Variants in SEMA3A observed in about 807,000 individuals in gnomAD.
SEMA3A encodes the protein semaphorin-3A.
SEMA3A carries 29 observed loss-of-function variants against 97.9 expected under a neutral mutation model. The ratio of observed to expected loss-of-function variants is 0.30; its 90% CI spans 0.22 to 0.40. The LOEUF (loss-of-function observed/expected upper bound fraction) is 0.40. Among genes scored for constraint, SEMA3A ranks in the 10% least tolerant of loss-of-function variants. The pLI is 1.00. For synonymous variants in SEMA3A, 321 were observed against 323.7 expected (o/e 0.99, Z 0.09); for missense variants, 763 against 951.3 (o/e 0.80, Z 2.60).
At chr7:84,358,011 A>T (rs1360514716) in intron 2 of SEMA3A, among the ~76,000 whole-genome samples, 5 of 152,164 alleles carry the variant, frequency 3.3e-5, no homozygotes, top group East Asian at 3.9e-4. Flanking sequence ...AATTTGTTTG[A>T]GTTCTTTGTA....
intron 3 of SEMA3A, among the ~76,000 whole-genome samples, chr7:84,203,872 T>A (rs2116303690): frequency 6.6e-6 from 1 of 152,188 alleles, no homozygotes; most frequent in South Asian, 2.1e-4. Context: ...TGCTTTTATG[T>A]TAAGCATGTA....
intron 1 of SEMA3A, among the ~76,000 whole-genome samples, chr7:84,465,579 T>G (rs1805970021): frequency 1.3e-5 from 2 of 152,180 alleles, no homozygotes; most frequent in African/African-American, 4.8e-5. Context: ...TATTTCTAAC[T>G]GCAAATGTTT....
intron 6 of SEMA3A, among the ~76,000 whole-genome samples, chr7:84,033,404 G>T (rs1791827286): frequency 6.6e-6 from 1 of 152,156 alleles, no homozygotes; most frequent in Non-Finnish European, 1.5e-5. Flanking sequence ...TGTTAGATGG[G>T]CTTTCATTGA....
chr7:84,069,810 T>C (rs73378827), intron 4 of SEMA3A, among the ~76,000 whole-genome samples: 1,992 of 152,272 alleles, frequency 0.013, 50 homozygotes, highest in African/African-American at 0.046. Context: ...GTCATTTATA[T>C]GAATAGACAC....
chr7:84,469,348 A>AAACC (rs1474891021), intron 1 of SEMA3A, among the ~76,000 whole-genome samples: 1 of 152,160 alleles, frequency 6.6e-6, no homozygotes, highest in African/African-American at 2.4e-5. Flanking sequence ...TAGTTTCCAT[A>AAACC]AGTTTTACTG....
intron 6 of SEMA3A, among the ~76,000 whole-genome samples, chr7:84,030,079 A>G (rs1390801973): frequency 6.6e-6 from 1 of 152,166 alleles, no homozygotes; most frequent in Non-Finnish European, 1.5e-5. Context: ...TTCAAGAAGT[A>G]ATTAAAACAT....
intron 1 of SEMA3A, among the ~76,000 whole-genome samples, chr7:84,437,882 T>C (rs930168369): frequency 3.3e-5 from 5 of 152,014 alleles, no homozygotes; most frequent in Non-Finnish European, 7.4e-5. Flanking sequence ...GTTTTATTGT[T>C]TCCTCAAGCC....
intron 2 of SEMA3A, among the ~76,000 whole-genome samples, chr7:84,312,927 C>T (rs1378183363): frequency 4.1e-5 from 5 of 120,598 alleles, no homozygotes; most frequent in African/African-American, 6.5e-5. Context: ...TATATACACA[C>T]ACACACACAC....
chr7:84,190,290 T>C (rs930918376), intron 1 of SEMA3A, among the ~76,000 whole-genome samples: 11 of 151,724 alleles, frequency 7.3e-5, no homozygotes, highest in African/African-American at 2.7e-4. Context: ...TATTTTATGT[T>C]CATTTTACAT....
intron 4 of SEMA3A, among the ~76,000 whole-genome samples, chr7:84,107,237 T>C (rs1795138374): frequency 6.6e-6 from 1 of 152,188 alleles, no homozygotes; most frequent in Non-Finnish European, 1.5e-5. Flanking sequence ...ACCAACAGCA[T>C]AACAGTTTAA....
At chr7:84,437,751 G>A (rs1805174045) in intron 1 of SEMA3A, among the ~76,000 whole-genome samples, 8 of 151,648 alleles carry the variant, frequency 5.3e-5, no homozygotes, top group Admixed American at 5.3e-4. Context: ...CAGAATGAAT[G>A]CAAATATTTA....
At chr7:83,966,220 T>A (rs1360187656) in intron 15 of SEMA3A, among the ~76,000 whole-genome samples, 2 of 152,168 alleles carry the variant, frequency 1.3e-5, no homozygotes, top group Non-Finnish European at 2.9e-5. Flanking sequence ...ATTATTTCAT[T>A]TGATCTGCTA....
chr7:84,078,957 T>C (rs1332410374), intron 4 of SEMA3A, among the ~76,000 whole-genome samples: 3 of 152,110 alleles, frequency 2.0e-5, no homozygotes, highest in Non-Finnish European at 2.9e-5. Context: ...TTAATCACCA[T>C]AGAGGTACTC....
At chr7:84,135,465 T>A (rs374636477) in intron 1 of SEMA3A, among the ~76,000 whole-genome samples, 1 of 152,156 alleles carries the variant, frequency 6.6e-6, no homozygotes, top group African/African-American at 2.4e-5. Context: ...ATACTTAATA[T>A]GGTGCAGTCC....
chr7:84,187,037 AG>A (rs1199970946), intron 1 of SEMA3A, among the ~76,000 whole-genome samples: 1 of 152,172 alleles, frequency 6.6e-6, no homozygotes, highest in Non-Finnish European at 1.5e-5. Context: ...GGGAAGAAAA[AG>A]GATGACTTGG....
At chr7:84,024,017 A>C (rs1791443083) in intron 6 of SEMA3A, among the ~76,000 whole-genome samples, 1 of 152,020 alleles carries the variant, frequency 6.6e-6, no homozygotes, top group East Asian at 1.9e-4. Flanking sequence ...GTCTCAAAAA[A>C]AAAAAAAAAA....
intron 4 of SEMA3A, among the ~76,000 whole-genome samples, chr7:84,102,831 T>A (rs1364351736): frequency 1.3e-5 from 2 of 151,980 alleles, no homozygotes; most frequent in African/African-American, 4.8e-5. Flanking sequence ...TCCGCCCACC[T>A]CAGCCTCCCA....
In SEMA3A at chr7:84,266,610, C is replaced by G. The variant is rs530720800; in HGVS notation, c.-83+40597G>C. Among the ~76,000 whole-genome samples the G allele has an allele frequency of 3.3e-5, 5 of 152,102 alleles. No individual in the cohort carries two copies. The South Asian group carries it at 1.0e-3, about 32-fold the overall frequency. On this transcript the variant is annotated intron_variant, in intron 3 of 3. Coordinates refer to the SEMA3A transcript ENST00000424555. Reference sequence around the variant, plus strand: ...CAATGAAATGGAAGGCCAAATATAACTCAAAAAAATTAAAAACATAATTGA... The same window carrying G: ...CAATGAAATGGAAGGCCAAATATAAGTCAAAAAAATTAAAAACATAATTGA...
At chr7:84,322,158 C>T (rs1801665344) in intron 2 of SEMA3A, among the ~76,000 whole-genome samples, 1 of 151,528 alleles carries the variant, frequency 6.6e-6, no homozygotes, top group Non-Finnish European at 1.5e-5. Context: ...CCCCATGATT[C>T]CATTACCTCC....
Sources: allele counts gnomAD v4.1 joint callset (sites outside exome capture counted in the v4.1 genomes callset), GRCh38; gene constraint gnomAD v4.1.1; transcripts MANE v1.5; gene names NCBI Gene and HGNC (gene_info 2026-07-23, HGNC 2026-07-21).